Variants in JAM3 observed in about 807,000 individuals in gnomAD.
The protein encoded by JAM3 is junctional adhesion molecule C.
JAM3 carries 31 observed loss-of-function variants against 39.4 expected under a neutral mutation model. The observed-to-expected ratio is 0.79, with a 90% confidence interval of 0.59 to 1.06. The LOEUF is 1.06. JAM3 is among the 50% of genes least tolerant of loss of function. The pLI, the probability that JAM3 is intolerant of heterozygous loss-of-function variation, is 0.00. For synonymous variants in JAM3, 182 were observed against 148.7 expected (o/e 1.22, Z -1.63); for missense variants, 455 against 391.4 (o/e 1.16, Z -1.37).
At chr11:134,113,275 G>T (rs550746318) in intron 1 of JAM3, among the ~76,000 whole-genome samples, 1 of 151,044 alleles carries the variant, frequency 6.6e-6, no homozygotes, top group African/African-American at 2.4e-5. Context: ...CATGTGCTGT[G>T]TTGGTGTGCT....
At chr11:134,115,326 T>C (rs929604796) in intron 1 of JAM3, among the ~76,000 whole-genome samples, 4 of 152,216 alleles carry the variant, frequency 2.6e-5, no homozygotes, top group Non-Finnish European at 4.4e-5. Context: ...ATATATGCCA[T>C]TTAATTGGGA....
chr11:134,073,917 G>T (rs1350452749), intron 1 of JAM3, among the ~76,000 whole-genome samples: 1 of 152,116 alleles, frequency 6.6e-6, no homozygotes, highest in African/African-American at 2.4e-5. Flanking sequence ...GTGGCCCTAG[G>T]AACTTCTGGA....
intron 1 of JAM3, among the ~76,000 whole-genome samples, chr11:134,082,705 A>G (rs1322964969): frequency 6.6e-6 from 1 of 152,094 alleles, no homozygotes; most frequent in Non-Finnish European, 1.5e-5. Context: ...CAAATTGCCC[A>G]GTCTCGGGTA....
At chr11:134,091,582 A>G (rs1941854710) in intron 1 of JAM3, among the ~76,000 whole-genome samples, 1 of 151,522 alleles carries the variant, frequency 6.6e-6, no homozygotes, top group South Asian at 2.1e-4. Flanking sequence ...GTGAGCTACG[A>G]TTGTGTCACT....
intron 1 of JAM3, among the ~76,000 whole-genome samples, chr11:134,128,186 C>T (rs1942690545): frequency 6.6e-6 from 1 of 152,178 alleles, no homozygotes; most frequent in Non-Finnish European, 1.5e-5. Context: ...AGCCTGAGGT[C>T]CAGTCGTCTC....
intron 1 of JAM3, among the ~76,000 whole-genome samples, chr11:134,130,838 C>A (rs539485339): frequency 6.6e-6 from 1 of 152,136 alleles, no homozygotes; most frequent in African/African-American, 2.4e-5. Flanking sequence ...ACCTGAAGGC[C>A]TAATGCAAGG....
chr11:134,100,418 TG>T (rs2120678841), intron 1 of JAM3, among the ~76,000 whole-genome samples: 1 of 152,314 alleles, frequency 6.6e-6, no homozygotes, highest in East Asian at 1.9e-4. Context: ...ATGGCCCAGA[TG>T]GTGAGGAAAA....
chr11:134,148,799 A>G lies in JAM3; in HGVS notation c.878A>G (p.Tyr293Cys). 6.2e-7 allele frequency: 1 copy of G among 1,614,156 alleles called. No homozygotes were observed. The highest frequency in any genetic ancestry group is 1.1e-5 in the South Asian group (1 of 91,082). Residue 293 changes from tyrosine to cysteine, a missense_variant, in exon 8 of 9, where the codon TAC becomes TGC. Transcript: ENST00000299106. ...CCAGGGAAACCAGATGGAGTTAACT[A>G]CATCCGCACTGACGAGGAGGTAATC... ...KNPGKPDGVN[Y>C]IRTDEEGDFR...
At chr11:134,107,300 G>T (rs926436405) in intron 1 of JAM3, among the ~76,000 whole-genome samples, 16 of 152,250 alleles carry the variant, frequency 1.1e-4, no homozygotes, top group Middle Eastern at 6.8e-3. Context: ...CTTGGACACA[G>T]GAAGGGGAAC....
chr11:134,117,397 C>T (rs1301151335), intron 1 of JAM3, among the ~76,000 whole-genome samples: 1 of 151,600 alleles, frequency 6.6e-6, no homozygotes, highest in Non-Finnish European at 1.5e-5. Flanking sequence ...GAAAAACAAT[C>T]CAAATTGGCG....
chr11:134,079,815 T>G (rs1245302601), intron 1 of JAM3, among the ~76,000 whole-genome samples: 1 of 152,232 alleles, frequency 6.6e-6, no homozygotes, highest in East Asian at 1.9e-4. Flanking sequence ...TTCATATTTG[T>G]TAATTATAAT....
intron 6 of JAM3, 143 bp downstream of exon 6, chr11:134,146,188 A>C: frequency 1.4e-6 from 1 of 706,282 alleles, no homozygotes; most frequent in Non-Finnish European, 2.5e-6. Flanking sequence ...ACCAGAACCC[A>C]CTGCACAGTG....
chr11:134,082,478 A>C (rs1411058016), intron 1 of JAM3, among the ~76,000 whole-genome samples: 1 of 152,042 alleles, frequency 6.6e-6, no homozygotes, highest in Non-Finnish European at 1.5e-5. Flanking sequence ...GGGGGAACCG[A>C]TGGGAGATAA....
rs1033274807 is a variant in JAM3 at position 134,149,004 on chromosome 11, T to C, written c.898-142T>C. 1.9e-5 allele frequency: 19 copies of C among 1,004,694 alleles called. No homozygotes were observed. The Middle Eastern group carries it at 6.0e-4, about 32-fold the overall frequency. The allele number at this position is 1,004,694 out of a possible 1,614,324, so 62.2% of individuals were successfully genotyped here. On this transcript the variant is annotated intron_variant, in intron 8 of 8. Transcript: ENST00000299106. ...CACACACACACACACACTAATGGGA[T>C]TTGTGCTTTGCAAGCGCTAGTGATG...
At chr11:134,105,874 C>G (rs1167922044) in intron 1 of JAM3, among the ~76,000 whole-genome samples, 2 of 152,158 alleles carry the variant, frequency 1.3e-5, no homozygotes, top group African/African-American at 2.4e-5. Context: ...GAAGAACATT[C>G]CATGCTCATG....
chr11:134,122,484 C>T (rs1180704761), intron 1 of JAM3, among the ~76,000 whole-genome samples: 2 of 152,196 alleles, frequency 1.3e-5, no homozygotes, highest in African/African-American at 4.8e-5. Flanking sequence ...CTAAACCCAG[C>T]CAAGAATCTG....
chr11:134,147,618 C>G (rs544404171), intron 6 of JAM3, among the ~76,000 whole-genome samples: 1 of 151,882 alleles, frequency 6.6e-6, no homozygotes, highest in South Asian at 2.1e-4. Flanking sequence ...TCCTGAGTAG[C>G]TGGGACTACA....
At chr11:134,094,969 T>G (rs376025205) in intron 1 of JAM3, among the ~76,000 whole-genome samples, 7 of 152,380 alleles carry the variant, frequency 4.6e-5, no homozygotes, top group African/African-American at 1.4e-4. Context: ...TTCCTTCATA[T>G]GTAACACGTA....
At chr11:134,114,859 CAA>C in intron 1 of JAM3, among the ~76,000 whole-genome samples, 1 of 152,296 alleles carries the variant, frequency 6.6e-6, no homozygotes, top group Admixed American at 6.5e-5. Flanking sequence ...TGAAGTAGGT[CAA>C]GTTAGTCGAT....
Sources: allele counts gnomAD v4.1 joint callset (sites outside exome capture counted in the v4.1 genomes callset), GRCh38; gene constraint gnomAD v4.1.1; transcripts MANE v1.5; gene names NCBI Gene and HGNC (gene_info 2026-07-23, HGNC 2026-07-21).